The following ARHGAP15 variants were observed in gnomAD, a reference collection of about 807,000 sequenced individuals.
ARHGAP15 encodes the protein Rho GTPase activating protein 15, also known as rho GTPase-activating protein 15.
ARHGAP15 carries 51 observed loss-of-function variants against 63.7 expected under a neutral mutation model. The ratio of observed to expected loss-of-function variants is 0.80; its 90% CI spans 0.64 to 1.01. The LOEUF is 1.01. ARHGAP15 is among the 50% of genes least tolerant of loss of function. ARHGAP15 has a pLI of 0.00. For missense variants in ARHGAP15, 560 were observed against 564.6 expected, an observed-to-expected ratio of 0.99 and a Z score of 0.08; for synonymous variants, 191 against 193.8, an observed-to-expected ratio of 0.99 and a Z score of 0.12.
rs187040835 is a variant in ARHGAP15, at chr2:143,302,032, G to A, written c.474+51432G>A. On this transcript the variant is annotated intron_variant, in intron 6 of 13. Coordinates refer to ENST00000295095, the MANE Select transcript of ARHGAP15 (RefSeq NM_018460.4). Reference sequence around the variant, plus strand: ...TTCTCTGTTTCTAAAATAGGACAGTGTTTTGTTTTAGACTTTGATATTTGC... The same window carrying A: ...TTCTCTGTTTCTAAAATAGGACAGTATTTTGTTTTAGACTTTGATATTTGC... 1.3e-3 allele frequency among the ~76,000 whole-genome samples: 196 copies of A among 152,026 alleles called. 1 individual carries two copies. The highest frequency in any genetic ancestry group is 4.5e-3 in the African/African-American group (187 of 41,530).
chr2:143,401,287 T>C (rs1320939298), intron 6 of ARHGAP15, among the ~76,000 whole-genome samples: 1 of 151,984 alleles, frequency 6.6e-6, no homozygotes, highest in Non-Finnish European at 1.5e-5. Context: ...GATAGAAAAA[T>C]TTAAATATAT....
intron 1 of ARHGAP15, among the ~76,000 whole-genome samples, chr2:143,147,886 C>T (rs1574009736): frequency 1.3e-5 from 2 of 151,880 alleles, no homozygotes; most frequent in Admixed American, 6.6e-5. Context: ...AAGAAGCATC[C>T]CACGAGCATG....
chr2:143,560,430 A>T (rs559776713), intron 11 of ARHGAP15, among the ~76,000 whole-genome samples: 2 of 152,352 alleles, frequency 1.3e-5, no homozygotes, highest in South Asian at 4.1e-4. Flanking sequence ...ACTGAGGTTC[A>T]GATAGTAAAT....
rs1444680805 is a variant in ARHGAP15, at chr2:143,556,547, A to G, written c.1003+62A>G. 7.3e-6 allele frequency: 9 copies of G among 1,240,958 alleles called. No individual in the cohort carries two copies. The East Asian group carries it at 1.6e-4, about 23-fold the overall frequency. 76.9% of individuals were successfully genotyped at this position (1,240,958 alleles called of 1,614,324 possible). On this transcript the variant is annotated intron_variant, in intron 11 of 13. Coordinates refer to ENST00000295095, the MANE Select transcript of ARHGAP15 (RefSeq NM_018460.4). ...TTTCATATGGAACAATATTTCATAC[A>G]CTGTGCTGTATGTACTGTGAATAAT...
intron 11 of ARHGAP15, among the ~76,000 whole-genome samples, chr2:143,559,413 G>A (rs1401467047): frequency 6.6e-6 from 1 of 152,184 alleles, no homozygotes; most frequent in African/African-American, 2.4e-5. Context: ...GTATCTGGTA[G>A]CACAGAATTG....
chr2:143,713,456 A>G (rs1335496459), intron 13 of ARHGAP15, among the ~76,000 whole-genome samples: 1 of 152,162 alleles, frequency 6.6e-6, no homozygotes, highest in African/African-American at 2.4e-5. Context: ...ACAGCCAAAC[A>G]TATCATTCCA....
intron 6 of ARHGAP15, among the ~76,000 whole-genome samples, chr2:143,400,639 G>A (rs910686490): frequency 1.3e-5 from 2 of 151,988 alleles, no homozygotes; most frequent in East Asian, 3.9e-4. Flanking sequence ...TACGAAGGGA[G>A]GCCTTTATTT....
chr2:143,184,852 C>CTTTT (rs386391398), intron 2 of ARHGAP15, among the ~76,000 whole-genome samples: 3 of 145,256 alleles, frequency 2.1e-5, no homozygotes, highest in African/African-American at 2.5e-5. Context: ...TTTCTTTTTT[C>CTTTT]TTTTTTTTTT....
At chr2:143,641,682 G>T (rs1298559676) in intron 12 of ARHGAP15, among the ~76,000 whole-genome samples, 2 of 152,130 alleles carry the variant, frequency 1.3e-5, no homozygotes, top group African/African-American at 2.4e-5. Context: ...TGCCTGTAAA[G>T]AACTATTTAT....
chr2:143,344,648 G>A (rs1031195784), intron 6 of ARHGAP15, among the ~76,000 whole-genome samples: 13 of 152,036 alleles, frequency 8.6e-5, no homozygotes, highest in Admixed American at 3.9e-4. Flanking sequence ...TGACCATTCC[G>A]TGGAAAAGTT....
rs773907317 is a variant in ARHGAP15, at chr2:143,131,680, G to T, written c.-15+2214G>T. 2.0e-5 allele frequency among the ~76,000 whole-genome samples: 3 copies of T among 152,090 alleles called. No individual in the cohort carries two copies. In the East Asian group the frequency reaches 5.8e-4, roughly 29 times the overall value. ...AGGGAATCTAATAAAAATAATCCACGCTTATAGGAGAAGGCTACAGAGCTT... is the reference window on the plus strand; with the variant it reads ...AGGGAATCTAATAAAAATAATCCACTCTTATAGGAGAAGGCTACAGAGCTT... On this transcript the variant is annotated intron_variant, in intron 1 of 13. Coordinates refer to ENST00000295095, the MANE Select transcript of ARHGAP15 (RefSeq NM_018460.4).
chr2:143,564,456 A>G (rs185737726), intron 11 of ARHGAP15, among the ~76,000 whole-genome samples: 3 of 152,290 alleles, frequency 2.0e-5, no homozygotes, highest in East Asian at 3.9e-4. Context: ...AAAAAATCCA[A>G]TGTAAGAAGT....
At chr2:143,516,523 T>C (rs1004530931) in intron 9 of ARHGAP15, among the ~76,000 whole-genome samples, 2 of 152,232 alleles carry the variant, frequency 1.3e-5, no homozygotes, top group Non-Finnish European at 1.5e-5. Context: ...GTATATTCTT[T>C]GAATACTTTT....
chr2:143,394,573 C>G (rs919339216), intron 6 of ARHGAP15, among the ~76,000 whole-genome samples: 1 of 152,124 alleles, frequency 6.6e-6, no homozygotes, highest in South Asian at 2.1e-4. Flanking sequence ...TTCCAAATGG[C>G]CACTTTAATG....
chr2:143,213,993 G>A (rs148012875), intron 3 of ARHGAP15, among the ~76,000 whole-genome samples: 247 of 152,324 alleles, frequency 1.6e-3, no homozygotes, highest in Middle Eastern at 6.8e-3. Flanking sequence ...AGAATTCTAT[G>A]ATGTACACCT....
chr2:143,657,966 T>G (rs1256705391), intron 12 of ARHGAP15, among the ~76,000 whole-genome samples: 1 of 152,246 alleles, frequency 6.6e-6, no homozygotes, highest in Non-Finnish European at 1.5e-5. Flanking sequence ...CTCTCCTATC[T>G]TTCAATATAC....
chr2:143,210,993 T>C (rs1323946297), intron 3 of ARHGAP15, among the ~76,000 whole-genome samples: 1 of 152,226 alleles, frequency 6.6e-6, no homozygotes, highest in African/African-American at 2.4e-5. Flanking sequence ...TTGAGCTATA[T>C]TTAAGGCAGT....
At chr2:143,762,006 C>A (rs868166496) in intron 13 of ARHGAP15, among the ~76,000 whole-genome samples, 15 of 152,086 alleles carry the variant, frequency 9.9e-5, no homozygotes, top group Admixed American at 3.3e-4. Flanking sequence ...TGAACAAATT[C>A]ATAAAATCAT....
intron 6 of ARHGAP15, among the ~76,000 whole-genome samples, chr2:143,259,095 G>A (rs1680581610): frequency 6.6e-6 from 1 of 151,868 alleles, no homozygotes; most frequent in Admixed American, 6.6e-5. Flanking sequence ...TCAAGTAAAA[G>A]GCAAGCTTCT....
Sources: allele counts gnomAD v4.1 joint callset (sites outside exome capture counted in the v4.1 genomes callset), GRCh38; gene constraint gnomAD v4.1.1; transcripts MANE v1.5; gene names NCBI Gene and HGNC (gene_info 2026-07-23, HGNC 2026-07-21).